SPEN: variants seen among roughly 807,000 people sequenced by gnomAD.
SPEN encodes the protein msx2-interacting protein.
A neutral mutation model predicts 269.9 loss-of-function variants in SPEN; 18 were observed. The observed-to-expected ratio is 0.07, with a 90% CI of 0.05 to 0.10. SPEN has a LOEUF of 0.10. Among genes scored for constraint, SPEN ranks in the 10% least tolerant of loss-of-function variants. The pLI is 1.00. For synonymous variants in SPEN, 1,726 were observed against 1,765.7 expected (o/e 0.98, Z 0.56); for missense variants, 3,822 against 4,631.2 (o/e 0.83, Z 5.07).
At chr1:15,911,642 A>G (rs2071012893) in intron 5 of SPEN, among the ~76,000 whole-genome samples, 2 of 152,198 alleles carry the variant, frequency 1.3e-5, no homozygotes, top group Non-Finnish European at 2.9e-5. Context: ...GGAGTGTGAC[A>G]ACAGAATTAC....
chr1:15,872,460 C>T (rs1375003542), intron 1 of SPEN, among the ~76,000 whole-genome samples: 1 of 151,766 alleles, frequency 6.6e-6, no homozygotes, highest in Non-Finnish European at 1.5e-5. Flanking sequence ...ATTAGCCTGT[C>T]GTTGTGGCAG....
At position 15,934,257 on chromosome 1, in the gene SPEN, A is replaced by G; in HGVS notation, c.8017A>G (p.Lys2673Glu). Residue 2673 changes from lysine (K) to glutamate (E), a missense_variant, in exon 11 of 15, where the codon AAG becomes GAG. Lys to Glu is a moderately conservative substitution (Grantham distance 56). Transcript: ENST00000375759. This position sits in a 1 kb window ranked among gnomAD's most constrained non-coding sequence, Gnocchi z 9.2. ...VPVNALKGPVKGSVTTLKSLV... is the reference protein window; with the variant it reads ...VPVNALKGPVEGSVTTLKSLV... The stretch of plus-strand genomic sequence containing the variant: ...GGTGAATGCCCTGAAAGGCCCCGTG[A>G]AGGGCTCAGTGACCACACTGAAAAG... 1 of 1,614,222 alleles carries G rather than the reference A, an allele frequency of 6.2e-7. No individual in the cohort carries two copies. Among genetic ancestry groups the G allele is most frequent in the Non-Finnish European group, 8.5e-7 (1 of 1,180,052 alleles).
At position 15,920,881 on chromosome 1, in the gene SPEN, C is replaced by G. The variant is rs2071111490; in HGVS notation, c.1647C>G (p.Asp549Glu). ...RYGPVVKVVF[D>E]RLKGMALVLY... The stretch of plus-strand genomic sequence containing the variant: ...TGTTTGTTTTACAGGTGGTGTTTGA[C>G]CGCTTAAAAGGCATGGCCCTGGTTC... The change falls in exon 9 of 15, where the codon GAC becomes GAG. Residue 549 changes from aspartate (D) to glutamate (E), a missense_variant. Coordinates refer to ENST00000375759, the MANE Select transcript of SPEN (RefSeq NM_015001.3). The G allele has an allele frequency of 1.4e-5, 22 of 1,602,930 alleles. No homozygotes were observed. The highest frequency in any genetic ancestry group is 1.8e-5 in the Non-Finnish European group (21 of 1,175,192).
intron 3 of SPEN, among the ~76,000 whole-genome samples, chr1:15,902,995 G>A (rs914072719): frequency 1.1e-4 from 16 of 151,908 alleles, no homozygotes; most frequent in African/African-American, 3.6e-4. Context: ...CATATTTGCC[G>A]TAAGTGAATG....
chr1:15,889,869 A>G (rs1475727804), intron 3 of SPEN, among the ~76,000 whole-genome samples: 1 of 152,070 alleles, frequency 6.6e-6, no homozygotes, highest in Non-Finnish European at 1.5e-5. Flanking sequence ...GCCTGCCACC[A>G]TGCCCAGCTA....
intron 3 of SPEN, among the ~76,000 whole-genome samples, chr1:15,885,487 A>G (rs1458883672): frequency 6.6e-6 from 1 of 152,176 alleles, no homozygotes; most frequent in Non-Finnish European, 1.5e-5. Context: ...ATTCTTTGTG[A>G]TGGACTCCTG....
At position 15,931,741 on chromosome 1, in the gene SPEN, G is replaced by A. The variant is rs779967431; in HGVS notation, c.5501G>A (p.Ser1834Asn). The A allele has an allele frequency of 6.2e-7, 1 of 1,614,176 alleles. No homozygotes were observed. Among genetic ancestry groups the A allele is most frequent in the South Asian group, 1.1e-5 (1 of 91,082 alleles). Residue 1834 changes from serine to asparagine, a missense_variant, in exon 11 of 15, where the codon AGT (serine) becomes AAT (asparagine). Physicochemically the swap from Ser to Asn is conservative, Grantham distance 46. Coordinates refer to ENST00000375759, the MANE Select transcript of SPEN (RefSeq NM_015001.3). The surrounding 1 kb of genome is among the most constrained non-coding windows in gnomAD (Gnocchi z 4.8). ...SKTPVQAAAV[S>N]IVEKPVTRKS... is the part of the protein sequence containing the mutation. ...ACCCCTGTTCAGGCAGCTGCAGTGA[G>A]TATCGTGGAGAAGCCCGTCACAAGG...
In SPEN at chr1:15,911,155, C is replaced by T. The variant is rs1401883382; in HGVS notation, c.1097C>T (p.Thr366Ile). ...GAATTTAAGAAATTTGGAAAAGTAA[C>T]TTCAGTGCAGATACATGGAACTTCA... ...FHEFKKFGKV[T>I]SVQIHGTSEE... is the part of the protein sequence containing the mutation. Residue 366 changes from threonine to isoleucine, a missense_variant, in exon 5 of 15, where the codon ACT (threonine) becomes ATT (isoleucine). By Grantham distance (89) the Thr-to-Ile change is moderately conservative (BLOSUM62 -1). Coordinates refer to ENST00000375759, the MANE Select transcript of SPEN (RefSeq NM_015001.3). 6.2e-7 allele frequency: 1 copy of T among 1,613,970 alleles called. No individual in the cohort carries two copies. The highest frequency in any genetic ancestry group is 1.7e-5 in the Admixed American group (1 of 60,004).
intron 2 of SPEN, among the ~76,000 whole-genome samples, chr1:15,874,674 T>C (rs1029298639): frequency 1.3e-5 from 2 of 152,206 alleles, no homozygotes; most frequent in African/African-American, 4.8e-5. Context: ...CTGATTAACA[T>C]TTGATAGGGT....
intron 3 of SPEN, among the ~76,000 whole-genome samples, chr1:15,888,724 C>G (rs770207062): frequency 6.6e-6 from 1 of 151,984 alleles, no homozygotes; most frequent in Non-Finnish European, 1.5e-5. Context: ...CCTCCACCTT[C>G]TGGGTTCAAG....
chr1:15,873,268 G>A (rs2070599908), intron 2 of SPEN, 132 bp downstream of exon 2: 12 of 1,403,144 alleles, frequency 8.6e-6, no homozygotes, highest in South Asian at 5.2e-5. Context: ...GGTTGGAAAC[G>A]GAAGTGATTT....
Position 15,940,297 on chromosome 1 carries a change from C to T in SPEN, c.*870C>T, listed in dbSNP as rs959256289. 2.1e-5 allele frequency: 5 copies of T among 233,000 alleles called. No individual in the cohort carries two copies. Among genetic ancestry groups the T allele is most frequent in the Non-Finnish European group, 3.4e-5 (4 of 117,718 alleles). The allele number at this position is 233,000 out of a possible 1,614,324, so 14.4% of individuals were successfully genotyped here. On this transcript the variant is annotated 3_prime_UTR_variant, in exon 15 of 15. Transcript: ENST00000375759. ...GCTCCCGCGATGTGGAAGTGTCACA[C>T]GGCACCTGTACAAAAAGACTGGCTA...
Position 15,933,349 on chromosome 1 carries a change from A to G in SPEN, c.7109A>G (p.Asn2370Ser). 1 of 1,614,140 alleles carries G rather than the reference A, an allele frequency of 6.2e-7. No homozygotes were observed. Among genetic ancestry groups the G allele is most frequent in the African/African-American group, 1.3e-5 (1 of 75,042 alleles). The change falls in exon 11 of 15, where the codon AAT (asparagine) becomes AGT (serine). Residue 2370 changes from asparagine to serine, a missense_variant. Transcript: ENST00000375759. The surrounding 1 kb of genome is among the most constrained non-coding windows in gnomAD (Gnocchi z 5.7). ...GCTCAAGGTGAGAGTCCTGCTGCAA[A>G]TGAGGGGACAACAGTACAGCACCCC... ...NQAQGESPAANEGTTVQHPEA... is the reference protein window; with the variant it reads ...NQAQGESPAASEGTTVQHPEA...
In SPEN at chr1:15,932,916, A is replaced by G. The variant is rs752289263; in HGVS notation, c.6676A>G (p.Ile2226Val). The G allele has an allele frequency of 1.2e-6, 2 of 1,614,184 alleles. No individual in the cohort carries two copies. The highest frequency in any genetic ancestry group is 1.7e-6 in the Non-Finnish European group (2 of 1,180,034). ...AAAIGSIIND[I>V]SGEPENFPAP... ...GGCCATCGGCTCCATCATCAATGAC[A>G]TTTCTGGGGAGCCAGAAAACTTCCC... Residue 2226 changes from isoleucine to valine, a missense_variant, in exon 11 of 15, where the codon ATT (isoleucine) becomes GTT (valine). By Grantham distance (29) the Ile-to-Val change is conservative. Transcript: ENST00000375759. The surrounding 1 kb of genome is among the most constrained non-coding windows in gnomAD (Gnocchi z 4.2).
At chr1:15,874,494 T>C in intron 2 of SPEN, 2 of 899,136 alleles carry the variant, frequency 2.2e-6, no homozygotes, top group East Asian at 5.5e-5. Context: ...GTACTAATAG[T>C]GAATCAGAGA....
intron 1 of SPEN, among the ~76,000 whole-genome samples, chr1:15,866,397 A>G (rs1187459333): frequency 2.0e-5 from 3 of 152,170 alleles, no homozygotes; most frequent in Non-Finnish European, 1.5e-5. Context: ...TCTGTTTCCC[A>G]GGCTGGAGTG....
In SPEN at chr1:15,934,752, C is replaced by T; in HGVS notation, c.8512C>T (p.Pro2838Ser). 2 of 1,614,088 alleles carry T rather than the reference C, an allele frequency of 1.2e-6. No homozygotes were observed. The highest frequency in any genetic ancestry group is 1.7e-6 in the Non-Finnish European group (2 of 1,180,008). The change falls in exon 11 of 15, where the codon CCC becomes TCC. Residue 2838 changes from proline (P) to serine (S), a missense_variant. Coordinates refer to ENST00000375759, the MANE Select transcript of SPEN (RefSeq NM_015001.3). This position sits in a 1 kb window ranked among gnomAD's most constrained non-coding sequence, Gnocchi z 9.2. ...QRISAKISQI[P>S]PASAMDIEFQ... is the part of the protein sequence containing the mutation. ...GATCAGCGCCAAGATCAGCCAGATC[C>T]CCCCGGCCAGTGCAATGGACATTGA...
In SPEN at chr1:15,934,725, C is replaced by T. The variant is rs753306830; in HGVS notation, c.8485C>T (p.Arg2829Trp). Residue 2829 changes from arginine to tryptophan, a missense_variant, in exon 11 of 15, where the codon CGG becomes TGG. Physicochemically the swap from Arg to Trp is moderately radical, Grantham distance 101 (BLOSUM62 -3). Around this residue, in one of 16 missense-constraint regions of SPEN, gnomAD observed 329 missense variants for 431.2 expected, o/e 0.76. Transcript: ENST00000375759. The surrounding 1 kb of genome is among the most constrained non-coding windows in gnomAD (Gnocchi z 9.2). ...AGGGCAGAAGACCGAAGGCCCACAG[C>T]GGATCAGCGCCAAGATCAGCCAGAT... The part of the protein sequence containing the change: ...YSGQKTEGPQ[R>W]ISAKISQIPP... The T allele has an allele frequency of 1.2e-6, 2 of 1,614,150 alleles. No homozygotes were observed. The highest frequency in any genetic ancestry group is 1.1e-5 in the South Asian group (1 of 91,086).
chr1:15,873,157 A>G (rs1388081352), intron 2 of SPEN, 21 bp downstream of exon 2: 1 of 1,575,962 alleles, frequency 6.3e-7, no homozygotes, highest in Non-Finnish European at 8.6e-7. Flanking sequence ...AGGTTTCTGT[A>G]GGCAGGTATT....
Sources: gnomAD v4.1 joint callset for allele counts (sites outside exome capture counted in the v4.1 genomes callset) on GRCh38, gnomAD v4.1.1 for gene constraint, gnomAD v4.1.1 regional missense constraint, Gnocchi (gnomAD v3.1) non-coding constraint, MANE v1.5 for transcripts, NCBI Gene and HGNC (gene_info 2026-07-23, HGNC 2026-07-21) for gene names.